TOP1MT: variants seen among roughly 807,000 people sequenced by gnomAD.
TOP1MT encodes DNA topoisomerase I mitochondrial.
Under a neutral mutation model 73.9 loss-of-function variants are expected in TOP1MT, and 80 were observed. The observed-to-expected ratio is 1.08, with a 90% CI of 0.90 to 1.30. The LOEUF is 1.30. Ranked by LOEUF, TOP1MT falls within the 50% of genes most tolerant of loss-of-function variation. TOP1MT has a pLI of 0.00. For synonymous variants in TOP1MT, 338 were observed against 326.4 expected (o/e 1.04, Z -0.38); for missense variants, 815 against 808.0 (o/e 1.01, Z -0.10).
intron 10 of TOP1MT, among the ~76,000 whole-genome samples, chr8:143,317,387 A>C (rs566402044): frequency 3.3e-5 from 5 of 152,170 alleles, no homozygotes; most frequent in South Asian, 2.1e-4. Context: ...GAACCACTGG[A>C]AAGTGCAGAG....
At chr8:143,335,422 C>A (rs942499959), upstream of TOP1MT, among the ~76,000 whole-genome samples, 1 of 152,220 alleles carries the variant, frequency 6.6e-6, no homozygotes, top group Non-Finnish European at 1.5e-5. Flanking sequence ...ACAAAGGTCA[C>A]AGGAAGTCCT....
intron 2 of TOP1MT, among the ~76,000 whole-genome samples, chr8:143,340,989 C>T (rs890902909): frequency 6.6e-6 from 1 of 152,160 alleles, no homozygotes; most frequent in Non-Finnish European, 1.5e-5. Context: ...TGCACCTGCT[C>T]CTGGCCACGC....
chr8:143,332,698 C>G (rs1035011403), intron 1 of TOP1MT: 1 of 604,160 alleles, frequency 1.7e-6, no homozygotes, highest in Non-Finnish European at 2.6e-6. Flanking sequence ...GACGTAGAGA[C>G]GGAGCTGATA....
upstream of TOP1MT, among the ~76,000 whole-genome samples, chr8:143,347,972 A>G (rs146630546): frequency 9.4e-4 from 143 of 152,286 alleles, no homozygotes; most frequent in Middle Eastern, 3.4e-3. Flanking sequence ...GGTGGCTGCC[A>G]TGGAGGGTGC....
At chr8:143,315,587 G>C in intron 12 of TOP1MT, 140 bp downstream of exon 12, 1 of 650,628 alleles carries the variant, frequency 1.5e-6, no homozygotes, top group South Asian at 1.9e-5. Context: ...TTATCTCTTT[G>C]TCTTGTGTCT....
intron 8 of TOP1MT, among the ~76,000 whole-genome samples, chr8:143,320,951 G>A (rs1816320209): frequency 6.6e-6 from 1 of 152,190 alleles, no homozygotes; most frequent in African/African-American, 2.4e-5. Flanking sequence ...CCGGGGGGCA[G>A]GAGACGAAGC....
At position 143,321,373 on chromosome 8, in the gene TOP1MT, G is replaced by A; in HGVS notation, c.974C>T (p.Ala325Val). The A allele has an allele frequency of 6.3e-7, 1 of 1,587,204 alleles. No individual in the cohort carries two copies. The highest frequency in any genetic ancestry group is 8.6e-7 in the Non-Finnish European group (1 of 1,161,000). ...LYFIDKLALR[A>V]GNEKEDGEAA... ...CTCACCGTCCTCCTTCTCATTTCCT[G>A]CTCTCAGTGCCAGCTAGTTGGTGGG... The change falls in exon 8 of 14, where the codon GCA (alanine) becomes GTA (valine). Residue 325 changes from alanine to valine, a missense_variant. Transcript: ENST00000329245.
At chr8:143,323,445 C>CCA (rs1193357897) in intron 7 of TOP1MT, among the ~76,000 whole-genome samples, 1 of 89,010 alleles carries the variant, frequency 1.1e-5, no homozygotes, top group African/African-American at 5.3e-5. Context: ...CACACGCACG[C>CCA]CACACGCACG....
At chr8:143,353,963 CAAAAAAAAA>C (rs1186472770) in intron 1 of TOP1MT, among the ~76,000 whole-genome samples, 1 of 47,606 alleles carries the variant, frequency 2.1e-5, no homozygotes, top group Non-Finnish European at 3.3e-5. Context: ...GACTCCATCC[CAAAAAAAAA>C]AAAAAAAAAA....
chr8:143,347,162 G>T (rs915326757), upstream of TOP1MT, among the ~76,000 whole-genome samples: 4 of 150,448 alleles, frequency 2.7e-5, no homozygotes, highest in Non-Finnish European at 5.9e-5. Flanking sequence ...TTTTTGTTTT[G>T]TTTTGTTTTT....
chr8:143,314,957 T>A (rs1816113072), intron 12 of TOP1MT, among the ~76,000 whole-genome samples: 1 of 152,220 alleles, frequency 6.6e-6, no homozygotes, highest in Non-Finnish European at 1.5e-5. Context: ...AGCCTTCTGT[T>A]ATGCCCAGAC....
intron 12 of TOP1MT, among the ~76,000 whole-genome samples, chr8:143,313,785 G>T (rs1816077251): frequency 1.3e-5 from 2 of 151,304 alleles, no homozygotes; most frequent in Admixed American, 1.3e-4. Context: ...AAACCTGGAG[G>T]CAGAGATTGC....
intron 12 of TOP1MT, among the ~76,000 whole-genome samples, chr8:143,312,423 A>G (rs962670433): frequency 1.3e-5 from 2 of 152,230 alleles, no homozygotes; most frequent in Admixed American, 6.5e-5. Flanking sequence ...TATCTGATCA[A>G]TTAGTATAAT....
At position 143,334,858 on chromosome 8, in the gene TOP1MT, G is replaced by GC; in HGVS notation, c.3dup (p.Arg2AlafsTer78). 6.8e-7 allele frequency: 1 copy of GC among 1,472,294 alleles called. No homozygotes were observed. Among genetic ancestry groups the GC allele is most frequent in the Non-Finnish European group, 8.9e-7 (1 of 1,129,442 alleles). 91.2% of individuals were successfully genotyped at this position (1,472,294 alleles called of 1,614,324 possible). On this transcript the variant is annotated frameshift_variant, in exon 1 of 14. Transcript: ENST00000329245. LOFTEE classifies it high-confidence loss of function. ...CGGAGCCGCAGCAGCCGCACCACGC[G>GC]CATCTGCCAGCCTCCGGGAAAGAGC... is the stretch of plus-strand genomic sequence containing the variant.
intron 1 of TOP1MT, among the ~76,000 whole-genome samples, chr8:143,332,222 G>A (rs1816876791): frequency 2.0e-5 from 3 of 152,224 alleles, no homozygotes; most frequent in Admixed American, 2.0e-4. Flanking sequence ...CCCATACGAA[G>A]GGCTCAACTG....
upstream of TOP1MT, among the ~76,000 whole-genome samples, chr8:143,339,391 C>T (rs1026691205): frequency 5.4e-4 from 82 of 152,222 alleles, no homozygotes; most frequent in African/African-American, 1.9e-3. Flanking sequence ...GCAGGGGTGA[C>T]GGCTACAACT....
At chr8:143,314,790 T>C (rs13274388) in intron 12 of TOP1MT, among the ~76,000 whole-genome samples, 57,088 of 151,954 alleles carry the variant, frequency 0.38, 13,436 homozygotes, top group East Asian at 0.69. Context: ...ATCATAGATA[T>C]GATTATATAT....
chr8:143,329,443 C>T lies in TOP1MT; in HGVS notation c.267G>A (p.Ala89=), dbSNP rs529867928. The T allele has an allele frequency of 6.1e-5, 98 of 1,610,830 alleles. No individual in the cohort carries two copies. The South Asian group carries it at 8.6e-4, about 14-fold the overall frequency. ...TCCCATAAAAAGTGGCGACCTCCTC[C>T]GCTGCCACGCTCAATCTCACAGGCC... ...EGRPVRLSVA[A]EEVATFYGRM... Residue 89 remains alanine (A), a synonymous_variant, in exon 3 of 14, where the codon GCG becomes GCA. Transcript: ENST00000329245.
chr8:143,333,977 G>A (rs918185472), intron 1 of TOP1MT: 2 of 151,888 alleles, frequency 1.3e-5, no homozygotes, highest in African/African-American at 2.4e-5. Flanking sequence ...CAGCTGTGCA[G>A]GCCCTCAGCT....
Sources: allele counts gnomAD v4.1 joint callset (sites outside exome capture counted in the v4.1 genomes callset), GRCh38; gene constraint gnomAD v4.1.1; transcripts MANE v1.5; gene names NCBI Gene and HGNC (gene_info 2026-07-23, HGNC 2026-07-21).